RERE: variants seen among roughly 807,000 people sequenced by gnomAD.
The protein encoded by RERE is arginine-glutamic acid dipeptide repeats protein.
A neutral mutation model predicts 146.1 loss-of-function variants in RERE; 40 were observed. The ratio of observed to expected loss-of-function variants is 0.27; its 90% CI spans 0.21 to 0.36. RERE has a LOEUF of 0.36. Among genes scored for constraint, RERE ranks in the 10% least tolerant of loss-of-function variants. The pLI is 1.00. For missense variants in RERE, 1,933 were observed against 2,138.7 expected (o/e 0.90, Z 1.90); for synonymous variants, 1,003 against 866.0 (o/e 1.16, Z -2.78).
At chr1:8,664,613 G>T (rs1470245606) in intron 1 of RERE, among the ~76,000 whole-genome samples, 2 of 152,068 alleles carry the variant, frequency 1.3e-5, no homozygotes, top group African/African-American at 4.8e-5. Context: ...TAGAGACAGG[G>T]TCTCATTTTG....
chr1:8,640,011 G>A (rs1475753144), intron 2 of RERE, among the ~76,000 whole-genome samples: 6 of 152,110 alleles, frequency 3.9e-5, no homozygotes, highest in Non-Finnish European at 8.8e-5. Flanking sequence ...AGCACAGCTA[G>A]GCATGGTGAT....
intron 1 of RERE, among the ~76,000 whole-genome samples, chr1:8,733,662 TCA>T (rs1640136019): frequency 6.6e-6 from 1 of 152,218 alleles, no homozygotes; most frequent in African/African-American, 2.4e-5. Flanking sequence ...CCAGGCCCTA[TCA>T]AGCCTTCAGT....
rs150721472 is a variant in RERE at position 8,553,246 on chromosome 1, A to G, written c.725+3229T>C. 6.9e-3 allele frequency among the ~76,000 whole-genome samples: 1,035 copies of G among 149,620 alleles called. 7 individuals are homozygous for G. Among genetic ancestry groups the G allele is most frequent in the Middle Eastern group, 0.019 (5 of 264 alleles). On this transcript the variant is annotated intron_variant, in intron 6 of 22. Coordinates refer to ENST00000400908, the MANE Select transcript of RERE (RefSeq NM_001042681.2). ...ATTAGGCCAGCATGTCCACATGCAT[A>G]TGAGACACTGCACCATTAAGCCAGT... is the stretch of plus-strand genomic sequence containing the variant.
chr1:8,455,508 G>T (rs1205256026), intron 11 of RERE, among the ~76,000 whole-genome samples: 1 of 152,032 alleles, frequency 6.6e-6, no homozygotes, highest in Admixed American at 6.6e-5. Context: ...TTTTTAATTG[G>T]AATTTAGAAA....
intron 4 of RERE, among the ~76,000 whole-genome samples, chr1:8,601,626 C>CCCCACACACACACACACACA (rs1553119505): frequency 1.1e-5 from 1 of 94,914 alleles, no homozygotes; most frequent in African/African-American, 4.4e-5. Context: ...TCCAAGGTCA[C>CCCCACACACACACACACACA]CACACACACA....
intron 9 of RERE, among the ~76,000 whole-genome samples, chr1:8,495,531 C>T (rs765853033): frequency 2.0e-5 from 3 of 152,204 alleles, no homozygotes; most frequent in Non-Finnish European, 2.9e-5. Context: ...GGGCTGGTCT[C>T]GAACTCCTGA....
At chr1:8,428,154 A>C (rs1644043046) in intron 11 of RERE, among the ~76,000 whole-genome samples, 1 of 152,170 alleles carries the variant, frequency 6.6e-6, no homozygotes, top group Admixed American at 6.5e-5. Flanking sequence ...CCAAGGGTAA[A>C]GGAGGAAGGA....
chr1:8,726,147 C>CTTTTTTT (rs70985511), intron 1 of RERE, among the ~76,000 whole-genome samples: 29 of 69,394 alleles, frequency 4.2e-4, no homozygotes, highest in East Asian at 9.5e-4. Context: ...TTTTTCTTTT[C>CTTTTTTT]TTTTTTTTTT....
intron 11 of RERE, among the ~76,000 whole-genome samples, chr1:8,445,755 G>A (rs1644308998): frequency 6.6e-6 from 1 of 151,852 alleles, no homozygotes; most frequent in Non-Finnish European, 1.5e-5. Context: ...ACGTACCATG[G>A]TGGTTTGCTG....
chr1:8,706,772 A>T (rs1023053236), intron 1 of RERE, among the ~76,000 whole-genome samples: 1 of 152,082 alleles, frequency 6.6e-6, no homozygotes, highest in African/African-American at 2.4e-5. Context: ...CCACCTAGGA[A>T]CTCAATGGTG....
intron 1 of RERE, among the ~76,000 whole-genome samples, chr1:8,758,034 G>A (rs1233523581): frequency 1.3e-5 from 2 of 151,966 alleles, no homozygotes; most frequent in African/African-American, 4.8e-5. Context: ...GTCAGACATA[G>A]AAAGACAGAT....
intron 7 of RERE, among the ~76,000 whole-genome samples, chr1:8,514,455 C>T (rs1427437086): frequency 1.3e-5 from 2 of 152,098 alleles, no homozygotes; most frequent in Non-Finnish European, 2.9e-5. Flanking sequence ...ATAGGCTGGG[C>T]GAGGTGGCTC....
chr1:8,810,738 G>C (rs2124606292), intron 1 of RERE, among the ~76,000 whole-genome samples: 1 of 152,288 alleles, frequency 6.6e-6, no homozygotes, highest in East Asian at 1.9e-4. Context: ...TTTGGGGTAA[G>C]GGAGGAAAAT....
At chr1:8,751,736 T>A (rs1640540296) in intron 1 of RERE, among the ~76,000 whole-genome samples, 1 of 151,598 alleles carries the variant, frequency 6.6e-6, no homozygotes, top group Non-Finnish European at 1.5e-5. Flanking sequence ...TTATGTTCTT[T>A]ATAATTATAC....
intron 7 of RERE, among the ~76,000 whole-genome samples, chr1:8,518,721 T>C (rs1645453056): frequency 6.6e-6 from 1 of 152,208 alleles, no homozygotes; most frequent in Admixed American, 6.5e-5. Flanking sequence ...GAACACATAC[T>C]TCAAAGCTGC....
At chr1:8,775,726 A>G (rs1641051324) in intron 1 of RERE, among the ~76,000 whole-genome samples, 1 of 152,288 alleles carries the variant, frequency 6.6e-6, no homozygotes, top group African/African-American at 2.4e-5. Context: ...CAAAAAATAA[A>G]TAAAATACAC....
intron 1 of RERE, among the ~76,000 whole-genome samples, chr1:8,716,305 A>T (rs1366783166): frequency 1.3e-5 from 2 of 150,926 alleles, no homozygotes; most frequent in African/African-American, 4.9e-5. Flanking sequence ...TCTACAAAAA[A>T]AAAAAAAAAA....
Position 8,361,403 on chromosome 1 carries a change from T to C in RERE, c.2104A>G (p.Lys702Glu). ...SVNDEGSSDP[K>E]DIDQDNRSTS... ...CTGCGATTGTCCTGGTCGATGTCTT[T>C]GGGGTCACTGCTACCCTCATCGTTG... Residue 702 changes from lysine (K) to glutamate (E), a missense_variant, in exon 18 of 23, where the codon AAA (lysine) becomes GAA (glutamate). By Grantham distance (56) the Lys-to-Glu change is moderately conservative. Coordinates refer to ENST00000400908, the MANE Select transcript of RERE (RefSeq NM_001042681.2). The C allele has an allele frequency of 6.2e-7, 1 of 1,613,874 alleles. No homozygotes were observed. Among genetic ancestry groups the C allele is most frequent in the South Asian group, 1.1e-5 (1 of 91,084 alleles).
At chr1:8,398,264 A>G (rs907022424) in intron 12 of RERE, among the ~76,000 whole-genome samples, 3 of 152,266 alleles carry the variant, frequency 2.0e-5, no homozygotes, top group African/African-American at 7.2e-5. Flanking sequence ...GAAAAGCAGT[A>G]GGGAAGGGGC....
Sources: gnomAD v4.1 joint callset for allele counts (sites outside exome capture counted in the v4.1 genomes callset) on GRCh38, gnomAD v4.1.1 for gene constraint, MANE v1.5 for transcripts, NCBI Gene and HGNC (gene_info 2026-07-23, HGNC 2026-07-21) for gene names.